The following SLC1A7 variants were observed in gnomAD, a reference collection of about 807,000 sequenced individuals.
SLC1A7 encodes the protein excitatory amino acid transporter 5.
SLC1A7 carries 40 observed loss-of-function variants against 47.7 expected under a neutral mutation model. The observed-to-expected ratio is 0.84, with a 90% CI of 0.65 to 1.09. SLC1A7 has a LOEUF of 1.09. SLC1A7 is among the 50% of genes least tolerant of loss of function. The pLI, the probability that SLC1A7 is intolerant of heterozygous loss-of-function variation, is 0.00. For missense variants in SLC1A7, 746 were observed against 769.5 expected (o/e 0.97, Z 0.36); for synonymous variants, 323 against 325.6 (o/e 0.99, Z 0.09).
At chr1:53,129,565 GAAAAAAAAGAGCCCACAGC>G (rs1553164877) in intron 2 of SLC1A7, among the ~76,000 whole-genome samples, 938 of 115,400 alleles carry the variant, frequency 8.1e-3, no homozygotes, top group Middle Eastern at 0.026. Flanking sequence ...AGAAATTCTA[GAAAAAAAAGAGCCCACAGC>G]TGGAAGATGC....
At chr1:53,133,911 C>T (rs546654166) in intron 2 of SLC1A7, among the ~76,000 whole-genome samples, 1 of 152,296 alleles carries the variant, frequency 6.6e-6, no homozygotes, top group East Asian at 1.9e-4. Flanking sequence ...TCCCATTTTA[C>T]AGATGAGGAA....
intron 7 of SLC1A7, among the ~76,000 whole-genome samples, chr1:53,092,209 C>T (rs986488487): frequency 3.0e-4 from 45 of 152,262 alleles, no homozygotes; most frequent in Admixed American, 4.6e-4. Flanking sequence ...ACACAGGGCC[C>T]GACTCCAGGA....
intron 3 of SLC1A7, among the ~76,000 whole-genome samples, chr1:53,110,575 C>T (rs987332705): frequency 6.6e-6 from 1 of 152,120 alleles, no homozygotes; most frequent in African/African-American, 2.4e-5. Context: ...GCCCCGCAGC[C>T]CCTGAGTAAG....
intron 7 of SLC1A7, 74 bp from the exon 8 acceptor site, chr1:53,090,880 C>T (rs1644414560): frequency 1.3e-6 from 2 of 1,552,304 alleles, no homozygotes; most frequent in Non-Finnish European, 1.7e-6. Flanking sequence ...GGAAGCTCAC[C>T]CCTCCCCAGG....
chr1:53,090,172 T>A, intron 8 of SLC1A7: 1 of 593,358 alleles, frequency 1.7e-6, no homozygotes, highest in African/African-American at 1.9e-5. Context: ...CAAACACCTG[T>A]GTCTGGAGCT....
intron 2 of SLC1A7, among the ~76,000 whole-genome samples, chr1:53,126,526 G>A (rs1308923344): frequency 6.6e-6 from 1 of 152,194 alleles, no homozygotes; most frequent in Non-Finnish European, 1.5e-5. Context: ...TTCACCAGTG[G>A]GTTCCCTGCA....
chr1:53,114,437 A>G (rs1644733004), intron 3 of SLC1A7: 2 of 362,458 alleles, frequency 5.5e-6, no homozygotes, highest in East Asian at 5.0e-5. Flanking sequence ...TAAAAAGAGG[A>G]CCAATAAACA....
chr1:53,099,338 CT>C (rs1644542636), intron 5 of SLC1A7, among the ~76,000 whole-genome samples: 1 of 147,534 alleles, frequency 6.8e-6, no homozygotes, highest in African/African-American at 2.6e-5. Flanking sequence ...TACGCTCACA[CT>C]GCCTCAGTAC....
At chr1:53,117,073 G>A (rs12043642) in intron 2 of SLC1A7, among the ~76,000 whole-genome samples, 1 of 152,304 alleles carries the variant, frequency 6.6e-6, no homozygotes, top group East Asian at 1.9e-4. Flanking sequence ...GAATCACTTC[G>A]AGCTAGGAAA....
intron 4 of SLC1A7, among the ~76,000 whole-genome samples, chr1:53,103,947 C>T (rs1644612132): frequency 6.6e-6 from 1 of 152,146 alleles, no homozygotes; most frequent in Non-Finnish European, 1.5e-5. Context: ...GGCCTGCTGG[C>T]CCTGCTGCCC....
intron 3 of SLC1A7, among the ~76,000 whole-genome samples, 174 bp from the exon 4 acceptor site, chr1:53,105,948 C>T (rs773670276): frequency 8.5e-5 from 13 of 152,130 alleles, no homozygotes; most frequent in Admixed American, 6.5e-4. Flanking sequence ...CAGCACCTGC[C>T]GCCCCCAGAC....
In SLC1A7 at chr1:53,114,910, C is replaced by T; in HGVS notation, c.279G>A (p.Val93=). 1.2e-6 allele frequency: 2 copies of T among 1,614,176 alleles called. No individual in the cohort carries two copies. The highest frequency in any genetic ancestry group is 1.7e-6 in the Non-Finnish European group (2 of 1,180,032). Residue 93 remains valine (V), a synonymous_variant, in exon 3 of 11, where the codon GTG becomes GTA. Coordinates refer to ENST00000371494, the MANE Select transcript of SLC1A7 (RefSeq NM_006671.6). ...KTSSRLGVLT[V]AYYLWTTFMA... ...TGAAGGTGGTCCACAGGTAGTACGC[C>T]ACGGTGAGGACGCCCAGGCGGCTAG...
intron 2 of SLC1A7, among the ~76,000 whole-genome samples, chr1:53,133,358 A>G (rs1234591236): frequency 6.6e-6 from 1 of 152,212 alleles, no homozygotes; most frequent in Non-Finnish European, 1.5e-5. Context: ...CTGAGTCCTG[A>G]GAAATTTAAA....
At chr1:53,139,662 G>A (rs1645036251) in intron 1 of SLC1A7, among the ~76,000 whole-genome samples, 1 of 152,204 alleles carries the variant, frequency 6.6e-6, no homozygotes, top group Non-Finnish European at 1.5e-5. Context: ...AAACTGACTT[G>A]GTATCAACTT....
chr1:53,116,670 C>T (rs557201914), intron 2 of SLC1A7, among the ~76,000 whole-genome samples: 37 of 152,286 alleles, frequency 2.4e-4, no homozygotes, highest in African/African-American at 8.4e-4. Flanking sequence ...GCCAAACAGT[C>T]CTCCCACCAT....
intron 10 of SLC1A7, among the ~76,000 whole-genome samples, chr1:53,088,541 T>C (rs528639545): frequency 5.3e-5 from 8 of 152,206 alleles, no homozygotes; most frequent in African/African-American, 1.7e-4. Context: ...CATTTGCCTG[T>C]AGAAGGAGCC....
intron 5 of SLC1A7, among the ~76,000 whole-genome samples, chr1:53,095,132 A>G (rs1644470510): frequency 6.6e-6 from 1 of 152,034 alleles, no homozygotes; most frequent in African/African-American, 2.4e-5. Context: ...ATGCGGGGAC[A>G]CAGGAATGCA....
At chr1:53,097,598 G>T (rs1245058611) in intron 5 of SLC1A7, among the ~76,000 whole-genome samples, 5 of 148,918 alleles carry the variant, frequency 3.4e-5, no homozygotes, top group African/African-American at 1.2e-4. Flanking sequence ...TACTGCCTCG[G>T]TACACTCAAA....
intron 2 of SLC1A7, among the ~76,000 whole-genome samples, chr1:53,127,671 C>T (rs770401063): frequency 2.0e-5 from 3 of 152,312 alleles, no homozygotes; most frequent in Non-Finnish European, 2.9e-5. Flanking sequence ...TGGTGAGGAC[C>T]GGGCTTCCTG....
Sources: gnomAD v4.1 joint callset for allele counts (sites outside exome capture counted in the v4.1 genomes callset) on GRCh38, gnomAD v4.1.1 for gene constraint, MANE v1.5 for transcripts, NCBI Gene and HGNC (gene_info 2026-07-23, HGNC 2026-07-21) for gene names.